Variants in PKIA observed in about 807,000 individuals in gnomAD.
PKIA encodes the protein PKI-alpha.
Under a neutral mutation model 7.6 loss-of-function variants are expected in PKIA, and 4 were observed. That is an observed-to-expected ratio of 0.52 (90% confidence interval 0.26 to 1.20). PKIA has a LOEUF of 1.20. Among genes scored for constraint, PKIA ranks in the 50% most tolerant of loss-of-function variants. The probability of loss-of-function intolerance (pLI) is 0.13; values close to 1 mark genes in which losing one functional copy is unlikely to be tolerated. For synonymous variants in PKIA, 21 were observed against 30.7 expected, an observed-to-expected ratio of 0.68 and a Z score of 1.04; for missense variants, 73 against 86.2, an observed-to-expected ratio of 0.85 and a Z score of 0.61.
intron 1 of PKIA, among the ~76,000 whole-genome samples, chr8:78,554,539 G>T (rs1807078623): frequency 6.6e-6 from 1 of 151,964 alleles, no homozygotes; most frequent in Non-Finnish European, 1.5e-5. Context: ...TAGAAATAGA[G>T]AATTCCCTGC....
At chr8:78,557,297 T>C (rs1481852628) in intron 1 of PKIA, among the ~76,000 whole-genome samples, 1 of 152,264 alleles carries the variant, frequency 6.6e-6, no homozygotes, top group East Asian at 1.9e-4. Context: ...CACTGGTAGT[T>C]TTCCAGGGAC....
chr8:78,578,944 A>G (rs1015733147), intron 2 of PKIA, among the ~76,000 whole-genome samples: 18 of 152,182 alleles, frequency 1.2e-4, no homozygotes, highest in African/African-American at 4.3e-4. Context: ...TTTATATATC[A>G]TAGACATTTC....
intron 1 of PKIA, among the ~76,000 whole-genome samples, chr8:78,530,668 T>A (rs187275560): frequency 6.6e-6 from 1 of 152,098 alleles, no homozygotes; most frequent in African/African-American, 2.4e-5. Context: ...CTAGTTTGCA[T>A]TGACATAATG....
chr8:78,531,858 A>C (rs1489084191), intron 1 of PKIA, among the ~76,000 whole-genome samples: 1 of 152,160 alleles, frequency 6.6e-6, no homozygotes, highest in African/African-American at 2.4e-5. Context: ...GCTATAATTT[A>C]TAATGAAGTT....
chr8:78,544,226 A>G (rs1338442718), intron 1 of PKIA, among the ~76,000 whole-genome samples: 1 of 152,172 alleles, frequency 6.6e-6, no homozygotes, highest in Non-Finnish European at 1.5e-5. Flanking sequence ...CAACAGCCTC[A>G]TGTCTTCTAA....
chr8:78,528,051 G>A (rs1241925434), intron 1 of PKIA, among the ~76,000 whole-genome samples: 2 of 152,086 alleles, frequency 1.3e-5, no homozygotes, highest in South Asian at 2.1e-4. Context: ...CTGTACCATG[G>A]GACATTTCAG....
At position 78,603,670 on chromosome 8, in the gene PKIA, C is replaced by G. The variant is rs184894359; in HGVS notation, c.*1849C>G. On this transcript the variant is annotated 3_prime_UTR_variant, in exon 4 of 4. Coordinates refer to ENST00000396418, the MANE Select transcript of PKIA (RefSeq NM_006823.4). ...AAGAGGTTCCTAGGGTTATTTTAGG[C>G]AATCCCTGGTAAACTGTTTAAACCA... 8 of 152,044 alleles carry G rather than the reference C, an allele frequency of 5.3e-5. No homozygotes were observed. In the East Asian group the frequency reaches 1.5e-3, roughly 29 times the overall value. The allele number at this position is 152,044 out of a possible 1,614,324, so 9.4% of individuals were successfully genotyped here. A position where few individuals can be genotyped will look rare whatever the true frequency, so the allele number is the denominator to read the frequency against.
intron 1 of PKIA, among the ~76,000 whole-genome samples, chr8:78,570,601 C>T (rs1807523283): frequency 6.6e-6 from 1 of 152,074 alleles, no homozygotes; most frequent in Non-Finnish European, 1.5e-5. Flanking sequence ...TCTTCTTTTC[C>T]TCTAACTTGA....
intron 2 of PKIA, among the ~76,000 whole-genome samples, chr8:78,590,506 T>G (rs533460150): frequency 6.6e-6 from 1 of 152,128 alleles, no homozygotes; most frequent in African/African-American, 2.4e-5. Context: ...GATTCTCTTA[T>G]GTACTTCAAC....
chr8:78,598,560 CTA>C, intron 3 of PKIA, 25 bp downstream of exon 3: 1 of 1,583,688 alleles, frequency 6.3e-7, no homozygotes, highest in Non-Finnish European at 8.6e-7. Context: ...ACACATTTCT[CTA>C]TGAGCATGGA....
At chr8:78,557,431 C>T (rs546992847) in intron 1 of PKIA, among the ~76,000 whole-genome samples, 1 of 152,090 alleles carries the variant, frequency 6.6e-6, no homozygotes, top group Non-Finnish European at 1.5e-5. Context: ...ATTGTTTAAA[C>T]AATAATGCAT....
intron 2 of PKIA, 64 bp from the exon 3 acceptor site, chr8:78,598,294 G>C: frequency 2.1e-6 from 2 of 942,592 alleles, no homozygotes. Context: ...ATACTAAGTC[G>C]GTAGTTAAAT....
intron 2 of PKIA, among the ~76,000 whole-genome samples, chr8:78,575,564 A>G (rs1807653884): frequency 1.3e-5 from 2 of 152,018 alleles, no homozygotes; most frequent in African/African-American, 4.8e-5. Context: ...TATTCTTAAC[A>G]ATGTTTTATG....
chr8:78,589,656 T>C lies in PKIA; in HGVS notation c.-27-8702T>C, dbSNP rs547924767. Among the ~76,000 whole-genome samples the C allele has an allele frequency of 4.6e-5, 7 of 152,304 alleles. No individual in the cohort carries two copies. In the South Asian group the frequency reaches 1.5e-3, roughly 32 times the overall value. On this transcript the variant is annotated intron_variant, in intron 2 of 3. Coordinates refer to ENST00000396418, the MANE Select transcript of PKIA (RefSeq NM_006823.4). The stretch of plus-strand genomic sequence containing the variant: ...TAAGCAAGTCAGTGGCACTGAACTC[T>C]CCTAGTGATCTATGTATTCTGCACC...
chr8:78,567,279 C>G (rs972070309), intron 1 of PKIA, among the ~76,000 whole-genome samples: 1 of 151,880 alleles, frequency 6.6e-6, no homozygotes, highest in Non-Finnish European at 1.5e-5. Context: ...TATATTTTTA[C>G]CTTATCATGT....
At chr8:78,537,434 AG>A (rs970676410) in intron 1 of PKIA, among the ~76,000 whole-genome samples, 2 of 152,076 alleles carry the variant, frequency 1.3e-5, no homozygotes, top group African/African-American at 4.8e-5. Flanking sequence ...GAAAGCCACA[AG>A]GGAACAAGTC....
chr8:78,558,768 A>G (rs1182269113), intron 1 of PKIA, among the ~76,000 whole-genome samples: 1 of 152,204 alleles, frequency 6.6e-6, no homozygotes, highest in African/African-American at 2.4e-5. Flanking sequence ...GTAAAAGAAC[A>G]GGTGTGTGAA....
chr8:78,526,444 G>A (rs769467486), intron 1 of PKIA, among the ~76,000 whole-genome samples: 13 of 151,990 alleles, frequency 8.6e-5, no homozygotes, highest in African/African-American at 1.2e-4. Context: ...ATGATATTAC[G>A]GGCATTAAAT....
chr8:78,531,272 AAAT>A (rs1806380444), intron 1 of PKIA, among the ~76,000 whole-genome samples: 1 of 152,068 alleles, frequency 6.6e-6, no homozygotes, highest in African/African-American at 2.4e-5. Context: ...ACCTTCTCAA[AAAT>A]AATATCATGG....
Sources: allele counts gnomAD v4.1 joint callset (sites outside exome capture counted in the v4.1 genomes callset), GRCh38; gene constraint gnomAD v4.1.1; transcripts MANE v1.5; gene names NCBI Gene and HGNC (gene_info 2026-07-23, HGNC 2026-07-21).